Variants in CAMTA1 observed in about 807,000 individuals in gnomAD.
CAMTA1 encodes the protein calmodulin-binding transcription activator 1.
Under a neutral mutation model 170.9 loss-of-function variants are expected in CAMTA1, and 27 were observed. The observed-to-expected ratio is 0.16, with a 90% CI of 0.12 to 0.22. The LOEUF (loss-of-function observed/expected upper bound fraction) is 0.22, where lower values mean the gene tolerates loss of function less well. Ranked by LOEUF, CAMTA1 falls within the 10% of genes least tolerant of loss-of-function variation. CAMTA1 has a pLI of 1.00. For synonymous variants in CAMTA1, 833 were observed against 891.5 expected (o/e 0.93, Z 1.17); for missense variants, 1,619 against 2,217.2 (o/e 0.73, Z 5.42).
At chr1:6,933,021 T>C (rs376335668) in intron 3 of CAMTA1, among the ~76,000 whole-genome samples, 4 of 152,220 alleles carry the variant, frequency 2.6e-5, no homozygotes, top group African/African-American at 7.2e-5. Flanking sequence ...CTTTTTTTTT[T>C]CTGTTTTTAG....
At chr1:6,842,521 C>T (rs1027757993) in intron 3 of CAMTA1, among the ~76,000 whole-genome samples, 1 of 152,178 alleles carries the variant, frequency 6.6e-6, no homozygotes, top group African/African-American at 2.4e-5. Flanking sequence ...AAAAAGCTCC[C>T]TAGGAGATTC....
intron 4 of CAMTA1, among the ~76,000 whole-genome samples, chr1:7,131,341 A>G (rs551578300): frequency 2.0e-5 from 3 of 152,258 alleles, no homozygotes; most frequent in Admixed American, 6.5e-5. Flanking sequence ...TTCATGGTTC[A>G]TGCTTTTGGC....
chr1:6,954,809 C>G (rs34204447), intron 3 of CAMTA1, among the ~76,000 whole-genome samples: 7,894 of 152,098 alleles, frequency 0.052, 206 homozygotes, highest in African/African-American at 0.071. Flanking sequence ...GCTGAGCTGG[C>G]GGGGCCCTGC....
intron 3 of CAMTA1, among the ~76,000 whole-genome samples, chr1:6,981,606 A>AT (rs1694451521): frequency 6.6e-6 from 1 of 151,448 alleles, no homozygotes; most frequent in Non-Finnish European, 1.5e-5. Context: ...CTAATTTTTA[A>AT]TTTTTTTGTG....
rs963716439 is a variant in CAMTA1, at chr1:7,139,013, A to G, written c.302+47642A>G. On this transcript the variant is annotated intron_variant, in intron 4 of 22. Coordinates refer to ENST00000303635, the MANE Select transcript of CAMTA1 (RefSeq NM_015215.4). ...CTGTCTCAAAAAAATATATATATAT[A>G]TATATAATTTTATATAAATTTATAT... is the stretch of plus-strand genomic sequence containing the variant. Among the ~76,000 whole-genome samples the G allele has an allele frequency of 2.1e-4, 30 of 145,292 alleles. 1 individual carries two copies. Among genetic ancestry groups the G allele is most frequent in the Non-Finnish European group, 7.5e-5 (5 of 66,582 alleles).
chr1:6,873,032 C>G (rs1668825085), intron 3 of CAMTA1, among the ~76,000 whole-genome samples: 1 of 152,162 alleles, frequency 6.6e-6, no homozygotes, highest in South Asian at 2.1e-4. Context: ...CTCTCACGAA[C>G]AGTTTTGTTC....
chr1:7,619,975 A>C (rs2095586456), intron 6 of CAMTA1, among the ~76,000 whole-genome samples: 1 of 152,254 alleles, frequency 6.6e-6, no homozygotes, highest in African/African-American at 2.4e-5. Context: ...AATGTTGCAC[A>C]CATTCAAAGC....
rs1240227325 is a variant in CAMTA1, at chr1:7,635,242, G to A, written c.511-5158G>A. Among the ~76,000 whole-genome samples the A allele has an allele frequency of 6.6e-6, 1 of 152,118 alleles. No individual in the cohort carries two copies. ...CCCTGAACCCACAGGGCCTGACAGGGTGGTGAACCCCACGGAAACATCAGG... is the reference window on the plus strand; with the variant it reads ...CCCTGAACCCACAGGGCCTGACAGGATGGTGAACCCCACGGAAACATCAGG... On this transcript the variant is annotated intron_variant, in intron 6 of 22. Coordinates refer to ENST00000303635, the MANE Select transcript of CAMTA1 (RefSeq NM_015215.4). This position sits in a 1 kb window ranked among gnomAD's most constrained non-coding sequence, Gnocchi z 4.4.
At chr1:7,104,318 AACAC>A (rs746732020) in intron 4 of CAMTA1, among the ~76,000 whole-genome samples, 3 of 151,888 alleles carry the variant, frequency 2.0e-5, no homozygotes, top group Non-Finnish European at 2.9e-5. Context: ...GCAGCACAGA[AACAC>A]ACACATATAC....
chr1:7,693,313 G>C (rs35333954), intron 11 of CAMTA1: 1 of 152,144 alleles, frequency 6.6e-6, no homozygotes, highest in Non-Finnish European at 1.5e-5. Context: ...ATTCACTATC[G>C]TGAGAACAAC....
chr1:6,838,558 T>C (rs546752634), intron 3 of CAMTA1, among the ~76,000 whole-genome samples: 59 of 152,344 alleles, frequency 3.9e-4, no homozygotes, highest in Non-Finnish European at 3.2e-4. Flanking sequence ...TTTCTAATTA[T>C]GTATCTTCAG....
chr1:7,461,772 A>G (rs1193884356), intron 5 of CAMTA1, among the ~76,000 whole-genome samples: 1 of 152,242 alleles, frequency 6.6e-6, no homozygotes, highest in Non-Finnish European at 1.5e-5. Context: ...CAGACCAACT[A>G]GAAGTTCTAG....
intron 5 of CAMTA1, among the ~76,000 whole-genome samples, chr1:7,311,146 C>T (rs536155226): frequency 8.5e-5 from 13 of 152,186 alleles, no homozygotes; most frequent in Admixed American, 7.2e-4. Context: ...TGTAGGTTTA[C>T]GTCTTGTGCC....
In CAMTA1 at chr1:7,203,871, G is replaced by A. The variant is rs192703464; in HGVS notation, c.303-45620G>A. 2.7e-3 allele frequency among the ~76,000 whole-genome samples: 397 copies of A among 144,582 alleles called. 2 individuals are homozygous for A. The highest frequency in any genetic ancestry group is 9.7e-3 in the African/African-American group (380 of 39,066). The allele number at this position is 144,582 out of a possible 152,430, so 94.9% of individuals were successfully genotyped here. On this transcript the variant is annotated intron_variant, in intron 4 of 22. Coordinates refer to ENST00000303635, the MANE Select transcript of CAMTA1 (RefSeq NM_015215.4). Reference sequence around the variant, plus strand: ...TTTCGAGACGGAGTCTCACTCTGTCGCCCAGGCTGGAGTGCAGTGGCGTGA... The same window carrying A: ...TTTCGAGACGGAGTCTCACTCTGTCACCCAGGCTGGAGTGCAGTGGCGTGA...
chr1:7,369,667 G>A (rs1412171843), intron 5 of CAMTA1, among the ~76,000 whole-genome samples: 1 of 152,056 alleles, frequency 6.6e-6, no homozygotes, highest in Admixed American at 6.5e-5. Flanking sequence ...GCTGGGCCTT[G>A]GTGCCCAGTC....
intron 4 of CAMTA1, among the ~76,000 whole-genome samples, chr1:7,160,108 G>A (rs942523930): frequency 6.6e-6 from 1 of 152,070 alleles, no homozygotes; most frequent in Non-Finnish European, 1.5e-5. Context: ...AATTAGCCGG[G>A]CATGGTGATG....
intron 4 of CAMTA1, among the ~76,000 whole-genome samples, chr1:7,193,882 G>T (rs1326183496): frequency 1.3e-5 from 2 of 152,200 alleles, no homozygotes; most frequent in Non-Finnish European, 2.9e-5. Flanking sequence ...CTAGCCATCA[G>T]ATTTCCATTA....
intron 3 of CAMTA1, among the ~76,000 whole-genome samples, chr1:6,925,968 T>A (rs572389254): frequency 1.3e-5 from 2 of 152,254 alleles, no homozygotes; most frequent in Admixed American, 1.3e-4. Flanking sequence ...TATGCCTCCA[T>A]CTCCTGTGGG....
intron 6 of CAMTA1, among the ~76,000 whole-genome samples, chr1:7,594,217 G>GGAAGGAA (rs1553214875): frequency 1.3e-5 from 2 of 150,088 alleles, no homozygotes; most frequent in African/African-American, 5.0e-5. Flanking sequence ...AAGGAAGGAA[G>GGAAGGAA]GAAGGAAGGA....
Sources: allele counts gnomAD v4.1 joint callset (sites outside exome capture counted in the v4.1 genomes callset), GRCh38; gene constraint gnomAD v4.1.1; non-coding constraint Gnocchi (gnomAD v3.1); transcripts MANE v1.5; gene names NCBI Gene and HGNC (gene_info 2026-07-23, HGNC 2026-07-21).